ACVR2A: variants seen among roughly 807,000 people sequenced by gnomAD.
ACVR2A encodes the protein activin A receptor type 2A.
In ACVR2A, 7 loss-of-function variants were observed where a neutral mutation model predicts 61.4. The observed-to-expected ratio is 0.11, with a 90% confidence interval of 0.06 to 0.21. The LOEUF is 0.21. Ranked by LOEUF, ACVR2A falls within the 10% of genes least tolerant of loss-of-function variation. The pLI is 1.00. For synonymous variants in ACVR2A, 193 were observed against 208.3 expected (o/e 0.93, Z 0.63); for missense variants, 322 against 621.7 (o/e 0.52, Z 5.13).
intron 4 of ACVR2A, among the ~76,000 whole-genome samples, chr2:147,910,505 T>C (rs1687087778): frequency 6.6e-6 from 1 of 152,134 alleles, no homozygotes; most frequent in Non-Finnish European, 1.5e-5. Flanking sequence ...CTTGAATCAT[T>C]ATCACAGGAA....
chr2:147,918,174 A>G (rs1278061193), intron 6 of ACVR2A, among the ~76,000 whole-genome samples: 1 of 151,806 alleles, frequency 6.6e-6, no homozygotes, highest in East Asian at 1.9e-4. Flanking sequence ...TCTTTAAAAA[A>G]AAAAAAAAAC....
intron 4 of ACVR2A, among the ~76,000 whole-genome samples, chr2:147,900,905 T>G (rs1285692758): frequency 6.6e-6 from 1 of 152,058 alleles, no homozygotes; most frequent in Admixed American, 6.6e-5. Flanking sequence ...TAAGCTTTAT[T>G]TATATAACAC....
intron 1 of ACVR2A, among the ~76,000 whole-genome samples, chr2:147,868,459 G>A (rs1168236111): frequency 6.6e-6 from 1 of 152,012 alleles, no homozygotes; most frequent in Non-Finnish European, 1.5e-5. Flanking sequence ...TTCCCCTGTA[G>A]CAGTGGGCAA....
At chr2:147,861,255 C>T (rs779395060) in intron 1 of ACVR2A, among the ~76,000 whole-genome samples, 2 of 152,136 alleles carry the variant, frequency 1.3e-5, no homozygotes, top group Non-Finnish European at 2.9e-5. Flanking sequence ...TGAGGACATT[C>T]CAGTATATTT....
intron 1 of ACVR2A, among the ~76,000 whole-genome samples, chr2:147,876,361 G>A (rs1004765314): frequency 6.6e-6 from 1 of 152,008 alleles, no homozygotes; most frequent in Admixed American, 6.6e-5. Flanking sequence ...TGTATCAAAA[G>A]TGAGCAAAAA....
chr2:147,895,163 C>T (rs1686697636), intron 1 of ACVR2A, among the ~76,000 whole-genome samples: 1 of 152,102 alleles, frequency 6.6e-6, no homozygotes, highest in African/African-American at 2.4e-5. Context: ...TCAAAACTTA[C>T]ATACACACTT....
intron 4 of ACVR2A, among the ~76,000 whole-genome samples, chr2:147,910,652 C>T (rs1380059760): frequency 6.6e-6 from 1 of 152,114 alleles, no homozygotes; most frequent in Non-Finnish European, 1.5e-5. Flanking sequence ...TGGAGGAATT[C>T]TCAGCCTTCC....
intron 8 of ACVR2A, among the ~76,000 whole-genome samples, chr2:147,922,032 A>T (rs931840741): frequency 6.6e-6 from 1 of 152,164 alleles, no homozygotes. Context: ...ACAATAAAAG[A>T]GGTAGGTACC....
intron 1 of ACVR2A, among the ~76,000 whole-genome samples, chr2:147,855,812 A>G (rs1024764867): frequency 4.6e-5 from 7 of 152,144 alleles, no homozygotes; most frequent in African/African-American, 1.2e-4. Flanking sequence ...ACAAATTTCT[A>G]TCTTTAGATT....
chr2:147,844,999 C>CTTTTTTTT (rs1558955614), upstream of ACVR2A: 1 of 127,494 alleles, frequency 7.8e-6, no homozygotes, highest in Non-Finnish European at 1.2e-5. Flanking sequence ...ACCCAGTGAG[C>CTTTTTTTT]GTTTTTTTTT....
chr2:147,860,270 G>A (rs1685696922), intron 1 of ACVR2A, among the ~76,000 whole-genome samples: 2 of 152,078 alleles, frequency 1.3e-5, no homozygotes, highest in East Asian at 3.9e-4. Context: ...CATGTCTTTA[G>A]CTGAAAGGGG....
chr2:147,875,328 A>G (rs1332745957), intron 1 of ACVR2A, among the ~76,000 whole-genome samples: 2 of 152,056 alleles, frequency 1.3e-5, no homozygotes, highest in Non-Finnish European at 2.9e-5. Context: ...AGTGTACTTT[A>G]TGGGGATAAA....
chr2:147,922,639 CA>C (rs960128624), intron 8 of ACVR2A, among the ~76,000 whole-genome samples: 60 of 151,516 alleles, frequency 4.0e-4, no homozygotes, highest in African/African-American at 1.4e-3. Flanking sequence ...GAAAAGACCT[CA>C]AAAAAAGTTT....
chr2:147,894,649 A>G (rs1686684574), intron 1 of ACVR2A, among the ~76,000 whole-genome samples: 1 of 152,100 alleles, frequency 6.6e-6, no homozygotes, highest in Non-Finnish European at 1.5e-5. Context: ...TGACTATTGG[A>G]AAGGTTGACA....
chr2:147,898,997 G>T (rs572578709), intron 2 of ACVR2A, among the ~76,000 whole-genome samples: 1 of 152,096 alleles, frequency 6.6e-6, no homozygotes, highest in East Asian at 1.9e-4. Context: ...CTTAGCATGT[G>T]TGTATGTATT....
Position 147,922,996 on chromosome 2 carries a change from T to C in ACVR2A, c.1101T>C (p.Ala367=). Reference sequence around the variant, plus strand: ...AGGTTGGTACCCGGAGGTACATGGCTCCAGAGGTATTAGAGGGTGCTATAA... The same window carrying C: ...AGGTTGGTACCCGGAGGTACATGGCCCCAGAGGTATTAGAGGGTGCTATAA... ...HGQVGTRRYM[A]PEVLEGAINF... Residue 367 remains alanine (A), a synonymous_variant, in exon 9 of 11, where the codon GCT becomes GCC. Coordinates refer to ENST00000241416, the MANE Select transcript of ACVR2A (RefSeq NM_001616.5). 1 of 1,612,808 alleles carries C rather than the reference T, an allele frequency of 6.2e-7. No individual in the cohort carries two copies. The highest frequency in any genetic ancestry group is 1.3e-5 in the African/African-American group (1 of 74,940).
chr2:147,844,911 G>A, upstream of ACVR2A: 1 of 466,520 alleles, frequency 2.1e-6, no homozygotes, highest in Non-Finnish European at 3.7e-6. Context: ...TGTGTGTTGT[G>A]CGTGTGTGTG....
chr2:147,896,982 C>T (rs1378674132), intron 2 of ACVR2A: 2 of 115,632 alleles, frequency 1.7e-5, no homozygotes, highest in African/African-American at 6.8e-5. Flanking sequence ...TTTTTTCTTG[C>T]AAAGTAGGCC....
intron 4 of ACVR2A, among the ~76,000 whole-genome samples, chr2:147,903,931 A>G (rs1686928889): frequency 6.6e-6 from 1 of 151,516 alleles, no homozygotes; most frequent in Non-Finnish European, 1.5e-5. Flanking sequence ...TGCATTTGGA[A>G]TTATACTGAG....
Sources: allele counts gnomAD v4.1 joint callset (sites outside exome capture counted in the v4.1 genomes callset), GRCh38; gene constraint gnomAD v4.1.1; transcripts MANE v1.5; gene names NCBI Gene and HGNC (gene_info 2026-07-23, HGNC 2026-07-21).